Variants in SNX27 observed in about 807,000 individuals in gnomAD.
SNX27 encodes sorting nexin-27.
In SNX27, 22 loss-of-function variants were observed where a neutral mutation model predicts 71.6. That is an observed-to-expected ratio of 0.31 (90% CI 0.22 to 0.44). The LOEUF (loss-of-function observed/expected upper bound fraction) is 0.44. SNX27 is among the 20% of genes least tolerant of loss of function. The pLI, the probability that SNX27 is intolerant of heterozygous loss-of-function variation, is 1.00. For synonymous variants in SNX27, 269 were observed against 277.2 expected (o/e 0.97, Z 0.29); for missense variants, 531 against 698.6 (o/e 0.76, Z 2.70).
In SNX27 at chr1:151,612,930, G is replaced by A. The variant is rs1667256016; in HGVS notation, c.311+418G>A. ...CCAGCCAGTACCGTGTCCCCCCCAA[G>A]TTCTCATCTTCAGCATCGCAGTTTC... On this transcript the variant is annotated intron_variant, in intron 1 of 11. Coordinates refer to ENST00000458013, the MANE Select transcript of SNX27 (RefSeq NM_001330723.2). This position sits in a 1 kb window ranked among gnomAD's most constrained non-coding sequence, Gnocchi z 5.2. Among the ~76,000 whole-genome samples the A allele has an allele frequency of 6.6e-6, 1 of 151,682 alleles. No homozygotes were observed. Among genetic ancestry groups the A allele is most frequent in the South Asian group, 2.1e-4 (1 of 4,810 alleles).
chr1:151,639,160 G>C (rs754743166), intron 2 of SNX27, 41 bp downstream of exon 2: 3 of 1,535,970 alleles, frequency 2.0e-6, no homozygotes, highest in Non-Finnish European at 2.7e-6. Context: ...ATCTAGCTTT[G>C]TTTCCCCTAG....
chr1:151,662,089 A>T (rs973515845), intron 4 of SNX27, 77 bp from the exon 5 acceptor site: 2 of 948,862 alleles, frequency 2.1e-6, no homozygotes, highest in African/African-American at 3.3e-5. Context: ...GTTTTAGGTT[A>T]TTGTCTAGCT....
chr1:151,681,268 G>C (rs1238044017), intron 7 of SNX27, among the ~76,000 whole-genome samples: 1 of 73,420 alleles, frequency 1.4e-5, no homozygotes, highest in African/African-American at 5.0e-5. Flanking sequence ...TTGCGATGGA[G>C]TCTTGCTCTG....
At chr1:151,651,310 C>T (rs1422306236) in intron 2 of SNX27, among the ~76,000 whole-genome samples, 3 of 148,700 alleles carry the variant, frequency 2.0e-5, no homozygotes, top group African/African-American at 5.0e-5. Flanking sequence ...CCAGATGGGG[C>T]GGCTGGCGGG....
At chr1:151,658,713 C>T (rs1266332127) in intron 3 of SNX27, among the ~76,000 whole-genome samples, 2 of 152,038 alleles carry the variant, frequency 1.3e-5, no homozygotes, top group African/African-American at 4.8e-5. Context: ...TAGACGGAGT[C>T]TCGCTCTGTC....
rs1671556269 is a variant in SNX27, at chr1:151,693,479, AAG to A, written c.1577_1578del (p.Asn527HisfsTer40). The A allele has an allele frequency of 6.2e-7, 1 of 1,614,156 alleles. No individual in the cohort carries two copies. Among genetic ancestry groups the A allele is most frequent in the East Asian group, 2.2e-5 (1 of 44,884 alleles). ...GTGTTCTGCGAGCTCAAGTGGAGAA[AAG>A]AGGTAATTCTGAACAGTCCTTGAAT... On this transcript the variant is annotated frameshift_variant and splice_region_variant, in exon 11 of 12. Transcript: ENST00000458013. LOFTEE classifies it high-confidence loss of function.
intron 6 of SNX27, chr1:151,667,321 GTGGTAGTTTTTTTATCC>G (rs1670235966): frequency 6.6e-6 from 1 of 151,330 alleles, no homozygotes; most frequent in Non-Finnish European, 1.5e-5. Context: ...GAAATTAAAA[GTGGTAGTTTTTTTATCC>G]TGCTCGAGTG....
At chr1:151,657,706 G>T (rs1571831506) in intron 2 of SNX27, among the ~76,000 whole-genome samples, 1 of 152,158 alleles carries the variant, frequency 6.6e-6, no homozygotes, top group South Asian at 2.1e-4. Flanking sequence ...TTAAAAGTAT[G>T]CTAGAGGTCA....
At position 151,693,926 on chromosome 1, in the gene SNX27, G is replaced by A. The variant is rs1197666560; in HGVS notation, c.1578+443G>A. 9 of 1,342,416 alleles carry A rather than the reference G, an allele frequency of 6.7e-6. No homozygotes were observed. In the South Asian group the frequency reaches 1.8e-4, roughly 26 times the overall value. The allele number at this position is 1,342,416 out of a possible 1,614,324, so 83.2% of individuals were successfully genotyped here. ...GTTTGCTGTTGCTTTACTGCTGTCT[G>A]TATGTGCCAGTGCTGGAACAGAATT... On this transcript the variant is annotated intron_variant, in intron 11 of 11. Coordinates refer to ENST00000458013, the MANE Select transcript of SNX27 (RefSeq NM_001330723.2).
chr1:151,656,961 CA>C (rs1276095844), intron 2 of SNX27, among the ~76,000 whole-genome samples: 3 of 151,454 alleles, frequency 2.0e-5, no homozygotes, highest in Non-Finnish European at 4.4e-5. Flanking sequence ...TATATAAATG[CA>C]AAAAATATAT....
chr1:151,686,711 C>T (rs1309790581), intron 8 of SNX27, among the ~76,000 whole-genome samples: 2 of 152,220 alleles, frequency 1.3e-5, no homozygotes, highest in African/African-American at 4.8e-5. Context: ...CCTTCTGAGC[C>T]CATAGGCCCT....
chr1:151,638,710 C>T, intron 1 of SNX27, 178 bp from the exon 2 acceptor site: 1 of 628,302 alleles, frequency 1.6e-6, no homozygotes, highest in Non-Finnish European at 2.8e-6. Flanking sequence ...GCCATAAGTT[C>T]ACAAAGTTTT....
intron 1 of SNX27, among the ~76,000 whole-genome samples, chr1:151,633,372 C>T (rs569106941): frequency 6.6e-6 from 1 of 152,196 alleles, no homozygotes; most frequent in East Asian, 1.9e-4. Context: ...GATCTTGGCT[C>T]ACTACAGCCT....
At chr1:151,670,033 T>G (rs1670390600) in intron 7 of SNX27, among the ~76,000 whole-genome samples, 1 of 152,200 alleles carries the variant, frequency 6.6e-6, no homozygotes, top group Non-Finnish European at 1.5e-5. Flanking sequence ...TCCCTGACTC[T>G]TCCCCAATTC....
At chr1:151,681,900 A>G (rs1421753411) in intron 7 of SNX27, among the ~76,000 whole-genome samples, 1 of 152,044 alleles carries the variant, frequency 6.6e-6, no homozygotes, top group Non-Finnish European at 1.5e-5. Context: ...TTAAGCACAG[A>G]CTCATTCCTG....
intron 2 of SNX27, among the ~76,000 whole-genome samples, chr1:151,640,629 C>T (rs976662678): frequency 2.7e-4 from 41 of 152,290 alleles, no homozygotes; most frequent in African/African-American, 9.4e-4. Context: ...CCTGCCTCAG[C>T]CTCCCAAAGT....
chr1:151,669,907 T>C (rs548495683), intron 7 of SNX27, among the ~76,000 whole-genome samples: 1 of 152,150 alleles, frequency 6.6e-6, no homozygotes, highest in Non-Finnish European at 1.5e-5. Context: ...GTTATACTCT[T>C]TTAGTAATTT....
intron 11 of SNX27, chr1:151,693,866 C>A: frequency 7.1e-7 from 1 of 1,410,504 alleles, no homozygotes; most frequent in Non-Finnish European, 9.2e-7. Flanking sequence ...GGCAGTCTTT[C>A]TAGGCGAACC....
chr1:151,692,581 G>A lies in SNX27; in HGVS notation c.1386G>A (p.Leu462=), dbSNP rs1333914591. Residue 462 remains leucine, a synonymous_variant, in exon 9 of 12, where the codon CTG becomes CTA. Transcript: ENST00000458013. The part of the protein sequence containing the change: ...KLHACTEEGQ[L]ENQVIAFEWD... ...ATGCCTGCACTGAAGAAGGACAGCTGGAGGTGAGTTTTCAGCATAGGGCTC... is the reference window on the plus strand; with the variant it reads ...ATGCCTGCACTGAAGAAGGACAGCTAGAGGTGAGTTTTCAGCATAGGGCTC... 2 of 1,611,612 alleles carry A rather than the reference G, an allele frequency of 1.2e-6. No homozygotes were observed. The highest frequency in any genetic ancestry group is 1.7e-6 in the Non-Finnish European group (2 of 1,179,386).
Sources: allele counts gnomAD v4.1 joint callset (sites outside exome capture counted in the v4.1 genomes callset), GRCh38; gene constraint gnomAD v4.1.1; non-coding constraint Gnocchi (gnomAD v3.1); transcripts MANE v1.5; gene names NCBI Gene and HGNC (gene_info 2026-07-23, HGNC 2026-07-21).